The following ATP11A variants were observed in gnomAD, a reference collection of about 807,000 sequenced individuals.
ATP11A encodes the protein phospholipid-transporting ATPase IH.
Under a neutral mutation model 154.4 loss-of-function variants are expected in ATP11A, and 81 were observed. That is an observed-to-expected ratio of 0.52 (90% CI 0.44 to 0.63). The LOEUF (loss-of-function observed/expected upper bound fraction) is 0.63, where lower values mean the gene tolerates loss of function less well. Ranked by LOEUF, ATP11A falls within the 30% of genes least tolerant of loss-of-function variation. ATP11A has a pLI of 0.00. For missense variants in ATP11A, 1,316 were observed against 1,474.3 expected (o/e 0.89, Z 1.76); for synonymous variants, 623 against 585.9 (o/e 1.06, Z -0.91).
chr13:112,704,013 C>T (rs925001265), intron 1 of ATP11A, among the ~76,000 whole-genome samples: 4 of 152,128 alleles, frequency 2.6e-5, no homozygotes, highest in East Asian at 3.8e-4. Flanking sequence ...GACGTCTTAC[C>T]GTTGACAAAA....
intron 18 of ATP11A, 25 bp from the exon 19 acceptor site, chr13:112,854,254 C>T: frequency 6.2e-7 from 1 of 1,611,606 alleles, no homozygotes; most frequent in Non-Finnish European, 8.5e-7. Context: ...TTTCTCTATG[C>T]TGTGTTTGGT....
chr13:112,863,260 GCAAAC>G (rs1363019271), intron 25 of ATP11A, among the ~76,000 whole-genome samples: 1 of 142,844 alleles, frequency 7.0e-6, no homozygotes, highest in African/African-American at 2.6e-5. Flanking sequence ...GTAATTCAGT[GCAAAC>G]CATGCAGCTT....
chr13:112,738,436 C>T (rs1196137401), intron 1 of ATP11A, among the ~76,000 whole-genome samples: 1 of 152,170 alleles, frequency 6.6e-6, no homozygotes, highest in Non-Finnish European at 1.5e-5. Context: ...AGTATTTACC[C>T]CTCTGCTCGT....
In ATP11A at chr13:112,879,281, G is replaced by A. The variant is rs550946119; in HGVS notation, c.*9+978G>A. 3.9e-5 allele frequency among the ~76,000 whole-genome samples: 6 copies of A among 152,260 alleles called. No homozygotes were observed. The East Asian group carries it at 7.7e-4, about 20-fold the overall frequency. Reference sequence around the variant, plus strand: ...ATCATCTTCTATATATTTTAAACAGGATTTTTAACTGACAAAATGGTCCTT... The same window carrying A: ...ATCATCTTCTATATATTTTAAACAGAATTTTTAACTGACAAAATGGTCCTT... On this transcript the variant is annotated intron_variant, in intron 29 of 29. Transcript: ENST00000375645.
rs1038149047 is a variant in ATP11A at position 112,825,300 on chromosome 13, T to C, written c.873-130T>C. On this transcript the variant is annotated intron_variant, in intron 10 of 29. Transcript: ENST00000375645. ...GTGCAGAGGACCCACCGTGGTGCGT[T>C]GAGGGCGAACACATCACTGTGCCCT... 14 of 1,044,784 alleles carry C rather than the reference T, an allele frequency of 1.3e-5. No individual in the cohort carries two copies. In the African/African-American group the frequency reaches 1.6e-4, roughly 12 times the overall value. 64.7% of individuals were successfully genotyped at this position (1,044,784 alleles called of 1,614,324 possible). A position where few individuals can be genotyped will look rare whatever the true frequency, so the allele number is the denominator to read the frequency against.
chr13:112,812,849 G>A (rs185754208), intron 5 of ATP11A, among the ~76,000 whole-genome samples: 11 of 152,340 alleles, frequency 7.2e-5, no homozygotes, highest in Admixed American at 5.9e-4. Flanking sequence ...GGGAACAGCC[G>A]CGAGCTCCAT....
Position 112,697,532 on chromosome 13 carries a change from G to A in ATP11A, c.39+7077G>A, listed in dbSNP as rs996103961. On this transcript the variant is annotated intron_variant, in intron 1 of 29. Coordinates refer to ENST00000375645, the MANE Select transcript of ATP11A (RefSeq NM_015205.3). The surrounding 1 kb of genome is among the most constrained non-coding windows in gnomAD (Gnocchi z 4.0). ...GCCTGGTGTCCAGAGCCAGAGTTCC[G>A]AGGGCCTCCTCATAGTTTTAAAACT... 1.3e-5 allele frequency among the ~76,000 whole-genome samples: 2 copies of A among 152,050 alleles called. No individual in the cohort carries two copies. Among genetic ancestry groups the A allele is most frequent in the African/African-American group, 2.4e-5 (1 of 41,394 alleles).
Position 112,832,919 on chromosome 13 carries a change from C to T in ATP11A, c.1455C>T (p.Asp485=), listed in dbSNP as rs753446351. 1.4e-5 allele frequency: 22 copies of T among 1,613,956 alleles called. No homozygotes were observed. In the Middle Eastern group the frequency reaches 4.9e-4, roughly 36 times the overall value. Residue 485 remains aspartate (D), a synonymous_variant, in exon 14 of 30, where the codon GAC becomes GAT. Coordinates refer to ENST00000375645, the MANE Select transcript of ATP11A (RefSeq NM_015205.3). ...TCTGCCACACCGTCCAGGTGAAAGA[C>T]GATGACAGCGTAGACGGCCCCAGGA... ...LCLCHTVQVK[D]DDSVDGPRKS...
chr13:112,728,941 G>A (rs1338662393), intron 1 of ATP11A, among the ~76,000 whole-genome samples: 18 of 152,158 alleles, frequency 1.2e-4, no homozygotes, highest in Admixed American at 5.9e-4. Flanking sequence ...AAACTCCACC[G>A]TGGCCCTGGT....
At chr13:112,824,446 G>C in intron 10 of ATP11A, 21 bp downstream of exon 10, 1 of 1,609,302 alleles carries the variant, frequency 6.2e-7, no homozygotes, top group African/African-American at 1.3e-5. Flanking sequence ...ATGCGCGTGA[G>C]AACCTGCAAC....
chr13:112,766,818 AAGGTGGGGAGATGTGGGGGTGTTGGGGG>A lies in ATP11A; in HGVS notation c.40-18316_40-18289del, dbSNP rs1325819524. Among the ~76,000 whole-genome samples, 3 of 14,032 alleles carry A rather than the reference AAGGTGGGGAGATGTGGGGGTGTTGGGGG, an allele frequency of 2.1e-4. 1 individual carries two copies. The highest frequency in any genetic ancestry group is 1.1e-3 in the Admixed American group (1 of 890). 9.2% of individuals were successfully genotyped at this position (14,032 alleles called of 152,430 possible). ...TGGGGGCGTTGGGGGCCACTGTGGGAAGGTGGGGAGATGTGGGGGTGTTGGGGGCCCCTGTGGGAAGGTGGGGAGGGTG... is the reference window on the plus strand; with the variant it reads ...TGGGGGCGTTGGGGGCCACTGTGGGACCCCTGTGGGAAGGTGGGGAGGGTG... On this transcript the variant is annotated intron_variant, in intron 1 of 29. Coordinates refer to ENST00000375645, the MANE Select transcript of ATP11A (RefSeq NM_015205.3).
In ATP11A at chr13:112,696,493, C is replaced by T. The variant is rs1214105283; in HGVS notation, c.39+6038C>T. Among the ~76,000 whole-genome samples, 2 of 152,080 alleles carry T rather than the reference C, an allele frequency of 1.3e-5. No homozygotes were observed. The highest frequency in any genetic ancestry group is 2.9e-5 in the Non-Finnish European group (2 of 68,014). The stretch of plus-strand genomic sequence containing the variant: ...TCCAGTCCCGTGTGTGCTGCGGCCC[C>T]GTCTCTCTCCCTCTCTGAGTGACAC... On this transcript the variant is annotated intron_variant, in intron 1 of 29. Transcript: ENST00000375645. The surrounding 1 kb of genome is among the most constrained non-coding windows in gnomAD (Gnocchi z 6.2).
At chr13:112,803,511 A>G (rs1397199829) in intron 2 of ATP11A, among the ~76,000 whole-genome samples, 2 of 152,242 alleles carry the variant, frequency 1.3e-5, no homozygotes, top group Non-Finnish European at 2.9e-5. Context: ...GACTGTCTTC[A>G]TTACGGCGTA....
At position 112,839,451 on chromosome 13, in the gene ATP11A, T is replaced by G. The variant is rs11840433; in HGVS notation, c.1706-2825T>G. ...CGCCTGGCTTTCCATGTCCTTGAGCTGGTCTGTGAGACACAGTGAAAGACC... is the reference window on the plus strand; with the variant it reads ...CGCCTGGCTTTCCATGTCCTTGAGCGGGTCTGTGAGACACAGTGAAAGACC... On this transcript the variant is annotated intron_variant, in intron 16 of 29. Coordinates refer to ENST00000375645, the MANE Select transcript of ATP11A (RefSeq NM_015205.3). Among the ~76,000 whole-genome samples, 211 of 152,256 alleles carry G rather than the reference T, an allele frequency of 1.4e-3. 1 individual carries two copies. Among genetic ancestry groups the G allele is most frequent in the African/African-American group, 4.5e-3 (185 of 41,552 alleles).
chr13:112,790,185 T>G (rs1418099191), intron 2 of ATP11A, among the ~76,000 whole-genome samples: 1 of 144,030 alleles, frequency 6.9e-6, no homozygotes, highest in African/African-American at 2.5e-5. Context: ...GACTCCTATG[T>G]AGACCTATTT....
At chr13:112,779,145 C>T (rs1484063230) in intron 1 of ATP11A, among the ~76,000 whole-genome samples, 1 of 60,358 alleles carries the variant, frequency 1.7e-5, no homozygotes, top group Non-Finnish European at 3.0e-5. Flanking sequence ...AGTGAGTAGC[C>T]GCTGGAGTGA....
rs760724768 is a variant in ATP11A at position 112,785,760 on chromosome 13, C to G, written c.162+503C>G. 6.6e-6 allele frequency among the ~76,000 whole-genome samples: 1 copy of G among 152,204 alleles called. No individual in the cohort carries two copies. The highest frequency in any genetic ancestry group is 2.4e-5 in the African/African-American group (1 of 41,454). ...AGCGTAGGAAGCACAAGCAGAGTGCCGCGGTCTAAACGAAGCGTGTTTCTC... is the reference window on the plus strand; with the variant it reads ...AGCGTAGGAAGCACAAGCAGAGTGCGGCGGTCTAAACGAAGCGTGTTTCTC... On this transcript the variant is annotated intron_variant, in intron 2 of 29. Transcript: ENST00000375645. This position sits in a 1 kb window ranked among gnomAD's most constrained non-coding sequence, Gnocchi z 4.8.
rs141775126 is a variant in ATP11A at position 112,725,923 on chromosome 13, C to T, written c.39+35468C>T. Among the ~76,000 whole-genome samples the T allele has an allele frequency of 4.0e-3, 604 of 152,368 alleles. 4 individuals are homozygous for T. The highest frequency in any genetic ancestry group is 0.014 in the African/African-American group (568 of 41,590). The stretch of plus-strand genomic sequence containing the variant: ...AGGTGACGAGGGTGCCCCTGAAGGA[C>T]GCCCTCAGAGCAAGGTGCTGGGGAG... On this transcript the variant is annotated intron_variant, in intron 1 of 29. Transcript: ENST00000375645.
At chr13:112,761,649 A>G (rs543607169) in intron 1 of ATP11A, among the ~76,000 whole-genome samples, 10 of 61,996 alleles carry the variant, frequency 1.6e-4, no homozygotes, top group African/African-American at 4.3e-4. Context: ...GGGTCTTAGA[A>G]GCACCCCTGA....
Sources: allele counts gnomAD v4.1 joint callset (sites outside exome capture counted in the v4.1 genomes callset), GRCh38; gene constraint gnomAD v4.1.1; non-coding constraint Gnocchi (gnomAD v3.1); transcripts MANE v1.5; gene names NCBI Gene and HGNC (gene_info 2026-07-23, HGNC 2026-07-21).